ANO2: variants seen among roughly 807,000 people sequenced by gnomAD.
ANO2 encodes anoctamin 2.
In ANO2, 101 loss-of-function variants were observed where a neutral mutation model predicts 124.2. The ratio of observed to expected loss-of-function variants is 0.81; its 90% confidence interval spans 0.69 to 0.96. The LOEUF (loss-of-function observed/expected upper bound fraction) is 0.96, where lower values mean the gene tolerates loss of function less well. Ranked by LOEUF, ANO2 falls within the 40% of genes least tolerant of loss-of-function variation. ANO2 has a pLI of 0.00. For synonymous variants in ANO2, 486 were observed against 482.5 expected (o/e 1.01, Z -0.09); for missense variants, 1,293 against 1,274.5 (o/e 1.01, Z -0.22).
At chr12:5,859,351 T>C (rs1955197706) in intron 3 of ANO2, among the ~76,000 whole-genome samples, 1 of 152,006 alleles carries the variant, frequency 6.6e-6, no homozygotes, top group African/African-American at 2.4e-5. Flanking sequence ...TCTAGCTTAG[T>C]TGAAATGTCT....
At chr12:5,874,483 CCTCAACAGGG>C (rs1309035371) in intron 3 of ANO2, among the ~76,000 whole-genome samples, 1 of 152,206 alleles carries the variant, frequency 6.6e-6, no homozygotes, top group Non-Finnish European at 1.5e-5. Context: ...ACTTTTATCA[CCTCAACAGGG>C]CCTCAAATCC....
At chr12:5,680,651 A>G (rs964907472) in intron 14 of ANO2, among the ~76,000 whole-genome samples, 1 of 152,204 alleles carries the variant, frequency 6.6e-6, no homozygotes, top group African/African-American at 2.4e-5. Context: ...CGACATCCCT[A>G]GAAGTATTCA....
chr12:5,920,988 G>A (rs3825331), intron 3 of ANO2, 52 bp downstream of exon 3: 287,239 of 1,551,922 alleles, frequency 0.19, 27,566 homozygotes, highest in South Asian at 0.2. Flanking sequence ...CTAGGAGCCC[G>A]GTTCTGTGGT....
chr12:5,881,861 A>T (rs1938522937), intron 3 of ANO2: 1 of 152,248 alleles, frequency 6.6e-6, no homozygotes, highest in Non-Finnish European at 1.5e-5. Context: ...TCCAGGACAG[A>T]GACTGAAGCT....
chr12:5,879,873 C>T (rs1228409331), intron 3 of ANO2, among the ~76,000 whole-genome samples: 2 of 152,072 alleles, frequency 1.3e-5, no homozygotes, highest in Non-Finnish European at 2.9e-5. Context: ...GCTTAGAAGC[C>T]ATTGAAAGAT....
intron 7 of ANO2, among the ~76,000 whole-genome samples, chr12:5,818,004 G>C (rs1309466136): frequency 2.0e-5 from 3 of 152,192 alleles, no homozygotes; most frequent in African/African-American, 7.2e-5. Flanking sequence ...TCAGAAGATG[G>C]AGGTGCAGTA....
In ANO2 at chr12:5,744,292, C is replaced by A. The variant is rs1370686040; in HGVS notation, c.1216G>T (p.Ala406Ser). Residue 406 changes from alanine to serine, a missense_variant, in exon 12 of 25, where the codon GCC becomes TCC. Coordinates refer to ENST00000682330, the MANE Select transcript of ANO2 (RefSeq NM_001364791.2). ...TCACACAGGGGACACATGGTGAAGG[C>A]ATTCTGCTGGTCACACATCTCTCTG... ...PSREMCDQQN[A>S]FTMCPLCDKS... 3 of 1,613,850 alleles carry A rather than the reference C, an allele frequency of 1.9e-6. No homozygotes were observed. Among genetic ancestry groups the A allele is most frequent in the Non-Finnish European group, 2.5e-6 (3 of 1,179,872 alleles).
At position 5,744,156 on chromosome 12, in the gene ANO2, C is replaced by T; in HGVS notation, c.1351+1G>A. The T allele has an allele frequency of 6.2e-7, 1 of 1,613,258 alleles. No homozygotes were observed. Among genetic ancestry groups the T allele is most frequent in the Non-Finnish European group, 8.5e-7 (1 of 1,179,854 alleles). On this transcript the variant is annotated splice_donor_variant, in intron 12 of 24. Transcript: ENST00000682330. LOFTEE classifies it high-confidence loss of function. ...AAGCAAGCCTGGTGATGGCCACATA[C>T]CCCACAGAGCCATGAAGATAGAGAA...
intron 14 of ANO2, among the ~76,000 whole-genome samples, chr12:5,696,463 TA>T (rs775605466): frequency 7.2e-4 from 109 of 151,712 alleles, no homozygotes; most frequent in East Asian, 6.0e-3. Context: ...ACAAAACCAC[TA>T]AAAAAAAGCC....
chr12:5,610,723 C>CATATATATATATATATATAT (rs377499491), intron 19 of ANO2, among the ~76,000 whole-genome samples: 3 of 116,898 alleles, frequency 2.6e-5, no homozygotes, highest in African/African-American at 6.7e-5. Context: ...CACATATATA[C>CATATATATATATATATATAT]ATATATATAT....
chr12:5,729,735 A>G (rs775988997), intron 14 of ANO2, among the ~76,000 whole-genome samples: 49 of 152,064 alleles, frequency 3.2e-4, no homozygotes, highest in Non-Finnish European at 1.0e-4. Flanking sequence ...CATTATTCCT[A>G]ATAGCCCAAA....
At chr12:5,713,969 A>G (rs1346942356) in intron 14 of ANO2, among the ~76,000 whole-genome samples, 1 of 152,224 alleles carries the variant, frequency 6.6e-6, no homozygotes, top group Non-Finnish European at 1.5e-5. Context: ...GAAAGGAGAC[A>G]GAAGGAGAGA....
intron 16 of ANO2, among the ~76,000 whole-genome samples, chr12:5,628,688 G>GCA (rs1945538432): frequency 3.7e-5 from 5 of 134,746 alleles, no homozygotes; most frequent in Admixed American, 7.2e-5. Flanking sequence ...GTGTGTGTGT[G>GCA]CGCGCGCGCA....
intron 3 of ANO2, among the ~76,000 whole-genome samples, chr12:5,885,482 C>T (rs1379501214): frequency 2.6e-5 from 4 of 152,178 alleles, no homozygotes; most frequent in Non-Finnish European, 5.9e-5. Context: ...ATATATTAGG[C>T]ACTGTACTAA....
intron 3 of ANO2, among the ~76,000 whole-genome samples, chr12:5,874,927 A>G (rs1298609178): frequency 6.6e-6 from 1 of 152,210 alleles, no homozygotes; most frequent in Non-Finnish European, 1.5e-5. Flanking sequence ...GTCATAAACA[A>G]TATATAAGTG....
intron 4 of ANO2, among the ~76,000 whole-genome samples, chr12:5,839,148 C>A (rs1315093352): frequency 6.6e-6 from 1 of 152,168 alleles, no homozygotes; most frequent in Admixed American, 6.5e-5. Context: ...CAGCTCGCTG[C>A]CTTGGGAGAG....
intron 9 of ANO2, among the ~76,000 whole-genome samples, chr12:5,802,752 A>G (rs1393914691): frequency 6.6e-6 from 1 of 152,198 alleles, no homozygotes; most frequent in Non-Finnish European, 1.5e-5. Context: ...TTACAGGTTC[A>G]CCATGTCCTC....
intron 14 of ANO2, among the ~76,000 whole-genome samples, chr12:5,697,960 G>A (rs1470119047): frequency 3.9e-5 from 6 of 152,246 alleles, no homozygotes. Flanking sequence ...CAGCCAGGAA[G>A]CTCAAACTGG....
chr12:5,578,861 A>C (rs1420453896), intron 20 of ANO2, among the ~76,000 whole-genome samples: 2 of 152,258 alleles, frequency 1.3e-5, no homozygotes, highest in Admixed American at 6.5e-5. Context: ...AAAAGGCCAG[A>C]TCATAATAAA....
Sources: allele counts gnomAD v4.1 joint callset (sites outside exome capture counted in the v4.1 genomes callset), GRCh38; gene constraint gnomAD v4.1.1; transcripts MANE v1.5; gene names NCBI Gene and HGNC (gene_info 2026-07-23, HGNC 2026-07-21).